The following GAS7 variants were observed in gnomAD, a reference collection of about 807,000 sequenced individuals.
GAS7 encodes growth arrest-specific protein 7.
Under a neutral mutation model 71.1 loss-of-function variants are expected in GAS7, and 28 were observed. The ratio of observed to expected loss-of-function variants is 0.39; its 90% confidence interval spans 0.29 to 0.54. GAS7 has a LOEUF of 0.54. Ranked by LOEUF, GAS7 falls within the 20% of genes least tolerant of loss-of-function variation. The probability of loss-of-function intolerance (pLI) is 0.62; values close to 1 mark genes in which losing one functional copy is unlikely to be tolerated. For synonymous variants in GAS7, 258 were observed against 245.8 expected (o/e 1.05, Z -0.46); for missense variants, 436 against 627.8 (o/e 0.69, Z 3.27).
At chr17:10,115,021 G>C (rs1043677313) in intron 1 of GAS7, among the ~76,000 whole-genome samples, 2 of 151,606 alleles carry the variant, frequency 1.3e-5, no homozygotes, top group African/African-American at 4.8e-5. Flanking sequence ...GCTGTCCTCT[G>C]TCTGTCTGTC....
chr17:10,050,805 C>T (rs976180408), intron 1 of GAS7, among the ~76,000 whole-genome samples: 1 of 152,202 alleles, frequency 6.6e-6, no homozygotes, highest in Admixed American at 6.5e-5. Flanking sequence ...AATTTTTTTT[C>T]CCCTACATCA....
At chr17:10,021,816 A>C (rs1310173804) in intron 1 of GAS7, among the ~76,000 whole-genome samples, 1 of 152,256 alleles carries the variant, frequency 6.6e-6, no homozygotes, top group South Asian at 2.1e-4. Flanking sequence ...AAATAGGATT[A>C]TAACAACGTG....
intron 1 of GAS7, among the ~76,000 whole-genome samples, chr17:10,194,695 C>T (rs749928803): frequency 3.9e-5 from 6 of 151,996 alleles, no homozygotes; most frequent in African/African-American, 7.3e-5. Flanking sequence ...ACTTCTCGGC[C>T]GGGCACAGTG....
rs1004463417 is a variant in GAS7, at chr17:10,044,068, C to G, written c.184-24171G>C. Among the ~76,000 whole-genome samples the G allele has an allele frequency of 1.7e-4, 26 of 152,240 alleles. 1 individual carries two copies. Among genetic ancestry groups the G allele is most frequent in the Admixed American group, 3.9e-4 (6 of 15,290 alleles). On this transcript the variant is annotated intron_variant, in intron 1 of 13. Coordinates refer to ENST00000432992, the MANE Select transcript of GAS7 (RefSeq NM_201433.2). ...TGGTGGCAGCAGCAGCTGCAGACGT[C>G]AGTCTACGGTACCTGACAAGCAATT...
At chr17:10,046,603 G>T (rs907800401) in intron 1 of GAS7, among the ~76,000 whole-genome samples, 1 of 151,374 alleles carries the variant, frequency 6.6e-6, no homozygotes. Context: ...AGGCTTGATG[G>T]CGGGCACCTG....
intron 1 of GAS7, among the ~76,000 whole-genome samples, chr17:10,031,844 A>G (rs1220719764): frequency 6.6e-6 from 1 of 152,220 alleles, no homozygotes; most frequent in Non-Finnish European, 1.5e-5. Flanking sequence ...CCCACTCTTC[A>G]GCATGTTTTG....
At chr17:10,173,151 T>G (rs2074347582) in intron 1 of GAS7, among the ~76,000 whole-genome samples, 1 of 151,990 alleles carries the variant, frequency 6.6e-6, no homozygotes, top group Non-Finnish European at 1.5e-5. Context: ...AGAAAACAGA[T>G]GAGTGGTCGC....
chr17:10,151,626 C>A (rs1205826131), intron 1 of GAS7, among the ~76,000 whole-genome samples: 1 of 152,086 alleles, frequency 6.6e-6, no homozygotes, highest in Non-Finnish European at 1.5e-5. Context: ...CTCACTGCAA[C>A]CTTGACATCC....
At chr17:10,091,493 T>C (rs2073581393) in intron 1 of GAS7, among the ~76,000 whole-genome samples, 1 of 152,112 alleles carries the variant, frequency 6.6e-6, no homozygotes, top group Non-Finnish European at 1.5e-5. Context: ...GTTAAAGCGA[T>C]TCTCTTGCCT....
At chr17:10,107,088 G>A (rs2073764006) in intron 1 of GAS7, among the ~76,000 whole-genome samples, 1 of 152,208 alleles carries the variant, frequency 6.6e-6, no homozygotes, top group Non-Finnish European at 1.5e-5. Context: ...TCTCCTTGGA[G>A]CTTCCAGAAG....
intron 1 of GAS7, among the ~76,000 whole-genome samples, chr17:10,180,058 T>C (rs11658883): frequency 0.62 from 93,547 of 152,066 alleles, 28,935 homozygotes; most frequent in East Asian, 0.68. Flanking sequence ...CGGAAACTAA[T>C]GGCTGGGCGT....
At position 10,039,950 on chromosome 17, in the gene GAS7, C is replaced by G. The variant is rs529656609; in HGVS notation, c.184-20053G>C. Among the ~76,000 whole-genome samples the G allele has an allele frequency of 6.2e-4, 94 of 152,252 alleles. 3 individuals are homozygous for G. In the South Asian group the frequency reaches 0.016, roughly 27 times the overall value. On this transcript the variant is annotated intron_variant, in intron 1 of 13. Coordinates refer to ENST00000432992, the MANE Select transcript of GAS7 (RefSeq NM_201433.2). ...TTCTCTTACATGCCTGACAGCAGGG[C>G]CCATCTCTTCCTTCCTAAAGTTACT...
intron 2 of GAS7, among the ~76,000 whole-genome samples, chr17:9,995,497 A>G (rs1433802918): frequency 1.3e-5 from 2 of 151,566 alleles, no homozygotes; most frequent in African/African-American, 4.9e-5. Context: ...CAAAGAACAT[A>G]TACAGGTGAT....
At chr17:10,134,253 G>C (rs538537742) in intron 1 of GAS7, among the ~76,000 whole-genome samples, 9 of 151,986 alleles carry the variant, frequency 5.9e-5, no homozygotes, top group African/African-American at 2.2e-4. Flanking sequence ...GGATGGTCTC[G>C]ATCTCCTGAC....
intron 1 of GAS7, among the ~76,000 whole-genome samples, chr17:10,191,547 CCCTGTG>C: frequency 7.5e-6 from 1 of 133,044 alleles, no homozygotes; most frequent in South Asian, 2.5e-4. Context: ...CAGAGCAAGA[CCCTGTG>C]TCAAAAAAAA....
At chr17:9,927,734 C>G (rs1168327256) in intron 9 of GAS7, among the ~76,000 whole-genome samples, 1 of 152,152 alleles carries the variant, frequency 6.6e-6, no homozygotes, top group African/African-American at 2.4e-5. Context: ...CAGGTCAGTC[C>G]TATTTATCGA....
intron 8 of GAS7, among the ~76,000 whole-genome samples, chr17:9,935,135 G>A (rs2068353036): frequency 6.6e-6 from 1 of 152,198 alleles, no homozygotes; most frequent in Non-Finnish European, 1.5e-5. Context: ...GGGGAAGATG[G>A]ACTGTGTGGG....
chr17:10,126,406 G>A (rs1379275810), intron 1 of GAS7, among the ~76,000 whole-genome samples: 1 of 143,512 alleles, frequency 7.0e-6, no homozygotes, highest in Non-Finnish European at 1.5e-5. Context: ...ACACACAAAC[G>A]TGCAAACACG....
intron 1 of GAS7, among the ~76,000 whole-genome samples, chr17:10,099,552 C>T (rs2073678483): frequency 6.6e-6 from 1 of 152,198 alleles, no homozygotes; most frequent in South Asian, 2.1e-4. Context: ...TGCTTAATTT[C>T]TCCTCCAATG....
Sources: allele counts gnomAD v4.1 joint callset (sites outside exome capture counted in the v4.1 genomes callset), GRCh38; gene constraint gnomAD v4.1.1; transcripts MANE v1.5; gene names NCBI Gene and HGNC (gene_info 2026-07-23, HGNC 2026-07-21).